The following OCA2 variants were observed in gnomAD, a reference collection of about 807,000 sequenced individuals.
The protein encoded by OCA2 is OCA2 melanosomal transmembrane protein.
In OCA2, 77 loss-of-function variants were observed where a neutral mutation model predicts 100.2. That is an observed-to-expected ratio of 0.77 (90% CI 0.64 to 0.93). The LOEUF (loss-of-function observed/expected upper bound fraction) is 0.93, where lower values mean the gene tolerates loss of function less well. Among genes scored for constraint, OCA2 ranks in the 40% least tolerant of loss-of-function variants. The pLI, the probability that OCA2 is intolerant of heterozygous loss-of-function variation, is 0.00. For synonymous variants in OCA2, 432 were observed against 439.2 expected, an observed-to-expected ratio of 0.98 and a Z score of 0.21; for missense variants, 1,062 against 1,089.1, an observed-to-expected ratio of 0.98 and a Z score of 0.35.
chr15:27,831,492 C>G (rs2034956535), intron 23 of OCA2, among the ~76,000 whole-genome samples: 1 of 152,170 alleles, frequency 6.6e-6, no homozygotes, highest in Non-Finnish European at 1.5e-5. Context: ...TGTTTTCAGC[C>G]CTCTCCTCCT....
At chr15:27,747,991 C>A in the OCA2 span, among the ~76,000 whole-genome samples, 1 of 152,082 alleles carries the variant, frequency 6.6e-6, no homozygotes, top group Non-Finnish European at 1.5e-5. Flanking sequence ...GGCACCCACA[C>A]CCTCCACTCA....
intron 21 of OCA2, among the ~76,000 whole-genome samples, chr15:27,860,278 T>A (rs1244725313): frequency 6.6e-6 from 1 of 152,174 alleles, no homozygotes; most frequent in Non-Finnish European, 1.5e-5. Context: ...ACAGAAAGCA[T>A]ACAAAAGTGC....
chr15:27,973,932 T>G (rs1272160265), intron 14 of OCA2, among the ~76,000 whole-genome samples: 2 of 152,198 alleles, frequency 1.3e-5, no homozygotes, highest in African/African-American at 4.8e-5. Flanking sequence ...GGTATTTTAT[T>G]TTTTTGGTAG....
chr15:27,834,479 G>C (rs1027288261), intron 23 of OCA2, among the ~76,000 whole-genome samples: 6 of 152,178 alleles, frequency 3.9e-5, no homozygotes, highest in African/African-American at 1.4e-4. Context: ...TCATTGCAGC[G>C]AACTATTGAA....
At chr15:27,896,707 AG>A in intron 19 of OCA2, 1 of 160,810 alleles carries the variant, frequency 6.2e-6, no homozygotes, top group Middle Eastern at 3.1e-3. Context: ...GTTCTGTTAA[AG>A]GTATTCAGCT....
chr15:27,723,086 G>A, the OCA2 span, among the ~76,000 whole-genome samples: 2 of 151,644 alleles, frequency 1.3e-5, no homozygotes, highest in East Asian at 2.0e-4. Flanking sequence ...CAGGTGATCC[G>A]CCCGCCTCAC....
intron 1 of OCA2, among the ~76,000 whole-genome samples, chr15:28,098,553 C>T (rs1413697297): frequency 6.6e-6 from 1 of 152,058 alleles, no homozygotes; most frequent in Non-Finnish European, 1.5e-5. Flanking sequence ...AAGTAGTGCT[C>T]CTCAAAGTGC....
At chr15:27,887,765 C>T (rs1198599201) in intron 19 of OCA2, among the ~76,000 whole-genome samples, 1 of 151,620 alleles carries the variant, frequency 6.6e-6, no homozygotes, top group Non-Finnish European at 1.5e-5. Context: ...TCCAGACCAA[C>T]TCCCAACATA....
rs1225371196 is a variant in OCA2 at position 28,032,070 on chromosome 15, C to A, written c.321G>T (p.Glu107Asp). Residue 107 changes from glutamate (E) to aspartate (D), a missense_variant, in exon 3 of 24, where the codon GAG (glutamate) becomes GAT (aspartate). Transcript: ENST00000354638. ...NTPLLRNSLQ[E>D]KGSRCIPVYH... ...TGAGGGGGAAAATATCTCACCCTTT[C>A]TCCTGTAAGGAATTCCTCAGCAAAG... 6.2e-7 allele frequency: 1 copy of A among 1,610,582 alleles called. No individual in the cohort carries two copies. Among genetic ancestry groups the A allele is most frequent in the Non-Finnish European group, 8.5e-7 (1 of 1,176,814 alleles).
chr15:27,975,320 A>T (rs2040932200), intron 14 of OCA2, among the ~76,000 whole-genome samples: 3 of 152,228 alleles, frequency 2.0e-5, no homozygotes, highest in African/African-American at 7.2e-5. Flanking sequence ...CCAAGTTCTA[A>T]AGAGTGTAAT....
At chr15:27,749,353 T>G in the OCA2 span, among the ~76,000 whole-genome samples, 2 of 152,188 alleles carry the variant, frequency 1.3e-5, no homozygotes, top group African/African-American at 4.8e-5. Context: ...AACTAAGAAC[T>G]ATGTCCAGTA....
chr15:28,096,985 C>G (rs1367100858), intron 1 of OCA2, among the ~76,000 whole-genome samples: 1 of 152,148 alleles, frequency 6.6e-6, no homozygotes, highest in East Asian at 1.9e-4. Context: ...GCGCCGCTGC[C>G]GCAAGCCTCC....
At chr15:27,845,788 C>T (rs1310322751) in intron 22 of OCA2, among the ~76,000 whole-genome samples, 2 of 152,162 alleles carry the variant, frequency 1.3e-5, no homozygotes, top group African/African-American at 4.8e-5. Context: ...TGTCCGTGCA[C>T]ACACGGTTGA....
At chr15:27,983,528 C>T (rs774079365) in intron 13 of OCA2, 45 bp from the exon 14 acceptor site, 6 of 1,606,792 alleles carry the variant, frequency 3.7e-6, no homozygotes, top group South Asian at 1.1e-5. Flanking sequence ...CTATACACAT[C>T]GTGAAAGGCC....
chr15:27,871,169 C>G lies in OCA2; in HGVS notation c.2229G>C (p.Pro743=), dbSNP rs41307118. Residue 743 remains proline (P), a synonymous_variant, in exon 21 of 24, where the codon CCG becomes CCC. Transcript: ENST00000354638. ...ALASSLIDNI[P]FTATMIPVLL... ...TGCAACTCACCATGGTAGCAGTGAA[C>G]GGGATGTTGTCAATCAGGGACGACG... is the stretch of plus-strand genomic sequence containing the variant. 4.3e-6 allele frequency: 7 copies of G among 1,613,466 alleles called. No homozygotes were observed. Among genetic ancestry groups the G allele is most frequent in the Middle Eastern group, 1.6e-4 (1 of 6,084 alleles).
At chr15:27,980,125 A>AT (rs947462994) in intron 14 of OCA2, among the ~76,000 whole-genome samples, 23 of 150,944 alleles carry the variant, frequency 1.5e-4, no homozygotes, top group Admixed American at 9.9e-4. Context: ...AAGTGGCTTA[A>AT]TTTTTTTTTG....
intron 6 of OCA2, among the ~76,000 whole-genome samples, chr15:28,021,488 C>T (rs1018762020): frequency 1.3e-5 from 2 of 152,224 alleles, no homozygotes; most frequent in South Asian, 2.1e-4. Context: ...CAGAATCAGG[C>T]GGGATTCAGC....
intron 23 of OCA2, among the ~76,000 whole-genome samples, chr15:27,798,213 G>A (rs1330693016): frequency 6.6e-6 from 1 of 152,224 alleles, no homozygotes; most frequent in African/African-American, 2.4e-5. Flanking sequence ...GGAAGGGCCA[G>A]GCTATGACCA....
chr15:27,944,203 C>A (rs1385190083), intron 18 of OCA2, among the ~76,000 whole-genome samples: 3 of 152,148 alleles, frequency 2.0e-5, no homozygotes, highest in African/African-American at 7.2e-5. Flanking sequence ...ACTGAAACCA[C>A]CTTTGCAAAA....
Sources: gnomAD v4.1 joint callset for allele counts (sites outside exome capture counted in the v4.1 genomes callset) on GRCh38, gnomAD v4.1.1 for gene constraint, MANE v1.5 for transcripts, NCBI Gene and HGNC (gene_info 2026-07-23, HGNC 2026-07-21) for gene names.